SNX29: variants seen among roughly 807,000 people sequenced by gnomAD.
The protein encoded by SNX29 is sorting nexin 29, also known as sorting nexin-29.
A neutral mutation model predicts 102.1 loss-of-function variants in SNX29; 78 were observed. That is an observed-to-expected ratio of 0.76 (90% CI 0.64 to 0.92). The LOEUF is 0.92. Among genes scored for constraint, SNX29 ranks in the 40% least tolerant of loss-of-function variants. SNX29 has a pLI of 0.00. For missense variants in SNX29, 1,280 were observed against 1,061.7 expected, an observed-to-expected ratio of 1.21 and a Z score of -2.86; for synonymous variants, 580 against 414.5, an observed-to-expected ratio of 1.40 and a Z score of -4.85.
intron 18 of SNX29, among the ~76,000 whole-genome samples, chr16:12,446,176 C>A (rs57507112): frequency 0.038 from 5,834 of 151,536 alleles, 226 homozygotes; most frequent in African/African-American, 0.092. Context: ...CAGCTTCTGC[C>A]TCCTGAGTAG....
intron 13 of SNX29, among the ~76,000 whole-genome samples, chr16:12,160,609 G>A (rs79499003): frequency 0.018 from 2,730 of 152,216 alleles, 82 homozygotes; most frequent in African/African-American, 0.063. Context: ...TTTCTTTTTG[G>A]GGTGATGAAA....
chr16:12,504,262 C>T (rs1462472317), intron 19 of SNX29, among the ~76,000 whole-genome samples: 1 of 152,150 alleles, frequency 6.6e-6, no homozygotes, highest in East Asian at 1.9e-4. Flanking sequence ...AATTCATGTA[C>T]CAGGTGATTC....
At chr16:12,218,538 C>T (rs906746472) in intron 14 of SNX29, among the ~76,000 whole-genome samples, 1 of 152,150 alleles carries the variant, frequency 6.6e-6, no homozygotes, top group Non-Finnish European at 1.5e-5. Context: ...GGCCTGCAAA[C>T]CCCAAAATAT....
At position 12,412,759 on chromosome 16, in the gene SNX29, A is replaced by G. The variant is rs748432910; in HGVS notation, c.2037+9230A>G. ...AAGACATGGGCTTTGTAAATAGTCTATAGGTAGAGGTGGACACACCCTCTT... is the reference window on the plus strand; with the variant it reads ...AAGACATGGGCTTTGTAAATAGTCTGTAGGTAGAGGTGGACACACCCTCTT... On this transcript the variant is annotated intron_variant, in intron 18 of 20. Transcript: ENST00000566228. Among the ~76,000 whole-genome samples the G allele has an allele frequency of 3.3e-5, 5 of 152,324 alleles. No homozygotes were observed. In the East Asian group the frequency reaches 7.7e-4, roughly 23 times the overall value.
At chr16:12,556,942 G>A (rs377009145) in intron 20 of SNX29, among the ~76,000 whole-genome samples, 16 of 20,986 alleles carry the variant, frequency 7.6e-4, no homozygotes, top group Non-Finnish European at 2.9e-3. Context: ...AGCCTCTGCC[G>A]CTCAGGCTCA....
At chr16:12,475,398 A>T (rs1380111098) in intron 18 of SNX29, among the ~76,000 whole-genome samples, 2 of 152,246 alleles carry the variant, frequency 1.3e-5, no homozygotes, top group Non-Finnish European at 2.9e-5. Context: ...GGGGTTATCA[A>T]ACTCTTTTTG....
rs192663933 is a variant in SNX29 at position 12,422,517 on chromosome 16, T to G, written c.2037+18988T>G. Among the ~76,000 whole-genome samples the G allele has an allele frequency of 7.2e-3, 1,104 of 152,352 alleles. 14 individuals are homozygous for G. Among genetic ancestry groups the G allele is most frequent in the African/African-American group, 0.025 (1,052 of 41,588 alleles). ...AAAGCAGCTTGTTTCCCTCTCAGCT[T>G]CTTCTGGCAAGTGAGATGCTTGAAC... On this transcript the variant is annotated intron_variant, in intron 18 of 20. Coordinates refer to ENST00000566228, the MANE Select transcript of SNX29 (RefSeq NM_032167.5).
At chr16:12,451,875 A>G (rs2086314107) in intron 18 of SNX29, among the ~76,000 whole-genome samples, 1 of 152,136 alleles carries the variant, frequency 6.6e-6, no homozygotes, top group African/African-American at 2.4e-5. Flanking sequence ...AAATAAATAA[A>G]CAAACAGATG....
chr16:12,246,945 G>A, intron 14 of SNX29, among the ~76,000 whole-genome samples: 1 of 152,152 alleles, frequency 6.6e-6, no homozygotes, highest in East Asian at 1.9e-4. Flanking sequence ...GGGAAGGCCA[G>A]AGGCACAAGG....
intron 14 of SNX29, among the ~76,000 whole-genome samples, chr16:12,262,969 G>T (rs1307508014): frequency 1.3e-5 from 2 of 152,154 alleles, no homozygotes. Flanking sequence ...TCTTTTGAAT[G>T]CAGTAGACTC....
chr16:12,012,235 G>C (rs778123187), intron 3 of SNX29, among the ~76,000 whole-genome samples: 1 of 152,088 alleles, frequency 6.6e-6, no homozygotes, highest in Non-Finnish European at 1.5e-5. Context: ...AGGTGGGATA[G>C]GAATTTTAGG....
chr16:12,470,673 C>A (rs972101514), intron 18 of SNX29, among the ~76,000 whole-genome samples: 1 of 152,180 alleles, frequency 6.6e-6, no homozygotes, highest in Non-Finnish European at 1.5e-5. Context: ...GTCCAATCCA[C>A]AGAGCACGCT....
intron 18 of SNX29, among the ~76,000 whole-genome samples, chr16:12,425,863 G>T (rs1341983327): frequency 1.3e-5 from 2 of 151,986 alleles, no homozygotes; most frequent in African/African-American, 4.8e-5. Context: ...GGGCACTGTT[G>T]ACAGAAATAA....
intron 15 of SNX29, among the ~76,000 whole-genome samples, chr16:12,330,257 C>G (rs1244022467): frequency 6.6e-6 from 1 of 152,110 alleles, no homozygotes; most frequent in Non-Finnish European, 1.5e-5. Context: ...TGCCTGTTTC[C>G]TCACCTGGCG....
At chr16:12,289,900 T>C (rs1212768725) in intron 15 of SNX29, among the ~76,000 whole-genome samples, 1 of 151,996 alleles carries the variant, frequency 6.6e-6, no homozygotes, top group Non-Finnish European at 1.5e-5. Flanking sequence ...GAGTTCAGTA[T>C]ACACCCGGCG....
At chr16:12,440,528 T>C (rs77112858) in intron 18 of SNX29, among the ~76,000 whole-genome samples, 3 of 152,178 alleles carry the variant, frequency 2.0e-5, no homozygotes, top group Non-Finnish European at 2.9e-5. Flanking sequence ...CTGTACACAT[T>C]ATTTCTTCAC....
intron 18 of SNX29, among the ~76,000 whole-genome samples, chr16:12,462,863 A>G (rs528264839): frequency 6.6e-6 from 1 of 152,346 alleles, no homozygotes; most frequent in South Asian, 2.1e-4. Flanking sequence ...AGGGGGGATC[A>G]TGTGCATGAC....
chr16:12,499,579 A>G (rs1195593323), intron 19 of SNX29, among the ~76,000 whole-genome samples: 1 of 152,194 alleles, frequency 6.6e-6, no homozygotes, highest in Non-Finnish European at 1.5e-5. Flanking sequence ...TGTGATCTGA[A>G]TCACTGGGGG....
At chr16:12,151,310 T>C (rs1401761402) in intron 13 of SNX29, among the ~76,000 whole-genome samples, 1 of 152,166 alleles carries the variant, frequency 6.6e-6, no homozygotes, top group African/African-American at 2.4e-5. Flanking sequence ...ACACACACTA[T>C]TACACAATAA....
Sources: gnomAD v4.1 joint callset for allele counts (sites outside exome capture counted in the v4.1 genomes callset) on GRCh38, gnomAD v4.1.1 for gene constraint, MANE v1.5 for transcripts, NCBI Gene and HGNC (gene_info 2026-07-23, HGNC 2026-07-21) for gene names.